Variants in KIF20B observed in about 807,000 individuals in gnomAD.
KIF20B encodes kinesin family member 20B.
A neutral mutation model predicts 232.5 loss-of-function variants in KIF20B; 188 were observed. The observed-to-expected ratio is 0.81, with a 90% CI of 0.72 to 0.91. The LOEUF is 0.91. Ranked by LOEUF, KIF20B falls within the 40% of genes least tolerant of loss-of-function variation. KIF20B has a pLI of 0.00. For synonymous variants in KIF20B, 712 were observed against 683.0 expected (o/e 1.04, Z -0.66); for missense variants, 2,154 against 2,055.9 (o/e 1.05, Z -0.92).
At chr10:89,724,160 T>G (rs1380546430) in intron 14 of KIF20B, 57 bp downstream of exon 14, 1 of 1,116,560 alleles carries the variant, frequency 9.0e-7, no homozygotes, top group Non-Finnish European at 1.2e-6. Context: ...AGTTTTTTAG[T>G]TTTTTTTTTT....
intron 29 of KIF20B, among the ~76,000 whole-genome samples, chr10:89,768,006 G>C (rs182244044): frequency 1.4e-4 from 22 of 152,136 alleles, no homozygotes; most frequent in East Asian, 7.7e-4. Context: ...ATTGTGGGCT[G>C]TATACCTCTT....
At chr10:89,713,978 A>G in intron 6 of KIF20B, 69 bp from the exon 7 acceptor site, 1 of 685,528 alleles carries the variant, frequency 1.5e-6, no homozygotes. Flanking sequence ...TGGATAGGTA[A>G]TTAATATCTT....
intron 18 of KIF20B, among the ~76,000 whole-genome samples, chr10:89,732,665 C>G (rs1459615974): frequency 6.6e-6 from 1 of 152,158 alleles, no homozygotes; most frequent in African/African-American, 2.4e-5. Flanking sequence ...TTTCAAAGCA[C>G]ATTTCTGATG....
rs529061134 is a variant in KIF20B, at chr10:89,765,996, C to T, written c.4990-2294C>T. Among the ~76,000 whole-genome samples the T allele has an allele frequency of 3.9e-5, 6 of 152,096 alleles. No homozygotes were observed. The East Asian group carries it at 5.8e-4, about 15-fold the overall frequency. On this transcript the variant is annotated intron_variant, in intron 29 of 32. Transcript: ENST00000371728. Reference sequence around the variant, plus strand: ...TTATGTGTCTTGGAGTTGCTCTTCTCGAGGAGTATCTTTGTGGCGTTCTCT... The same window carrying T: ...TTATGTGTCTTGGAGTTGCTCTTCTTGAGGAGTATCTTTGTGGCGTTCTCT...
intron 6 of KIF20B, among the ~76,000 whole-genome samples, chr10:89,713,585 G>A (rs1234646793): frequency 6.6e-6 from 1 of 151,876 alleles, no homozygotes; most frequent in Non-Finnish European, 1.5e-5. Flanking sequence ...CAAGGAAATG[G>A]GTTTATTTCT....
intron 18 of KIF20B, among the ~76,000 whole-genome samples, chr10:89,731,187 G>A (rs1843310376): frequency 6.6e-6 from 1 of 152,144 alleles, no homozygotes; most frequent in Non-Finnish European, 1.5e-5. Flanking sequence ...GAAAGTCAGA[G>A]ACAGGTCATT....
intron 26 of KIF20B, among the ~76,000 whole-genome samples, chr10:89,757,070 A>ATATATATATATATATATATG (rs1842144521): frequency 7.9e-6 from 1 of 127,270 alleles, no homozygotes; most frequent in Non-Finnish European, 1.5e-5. Context: ...ATATATATAT[A>ATATATATATATATATATATG]CACACATGAC....
Position 89,717,507 on chromosome 10 carries a change from ATTC to A in KIF20B, c.1124+15_1124+17del, listed in dbSNP as rs763868862. ...ATTCGAGTCAGTGAGTAAGTTGAAT[ATTC>A]TTTAAATTTAATTATTTGTAATTGT... On this transcript the variant is annotated intron_variant, in intron 10 of 32. Transcript: ENST00000371728. The A allele has an allele frequency of 1.2e-5, 19 of 1,585,360 alleles. No individual in the cohort carries two copies. The highest frequency in any genetic ancestry group is 1.5e-5 in the Non-Finnish European group (17 of 1,160,378).
rs531014852 is a variant in KIF20B at position 89,769,611 on chromosome 10, A to G, written c.5242+723A>G. Among the ~76,000 whole-genome samples, 10 of 152,136 alleles carry G rather than the reference A, an allele frequency of 6.6e-5. No individual in the cohort carries two copies. In the South Asian group the frequency reaches 2.1e-3, roughly 31 times the overall value. On this transcript the variant is annotated intron_variant, in intron 31 of 32. Transcript: ENST00000371728. ...TATTGAGTTTAGCTGCAGAAACAGT[A>G]TGCTTAGTGCTTTTTTTCTTGATAA...
At chr10:89,720,958 C>T (rs946648970) in intron 13 of KIF20B, among the ~76,000 whole-genome samples, 21 of 152,162 alleles carry the variant, frequency 1.4e-4, no homozygotes, top group Admixed American at 1.0e-3. Flanking sequence ...TTGCCCGCCT[C>T]GGCCTCCCAA....
Position 89,774,164 on chromosome 10 carries a change from C to A in KIF20B, c.*116C>A, listed in dbSNP as rs1842523247. 2.1e-6 allele frequency: 1 copy of A among 487,674 alleles called. No individual in the cohort carries two copies. The highest frequency in any genetic ancestry group is 3.5e-6 in the Non-Finnish European group (1 of 282,724). 30.2% of individuals were successfully genotyped at this position (487,674 alleles called of 1,614,324 possible). ...ATTAAATCACTCTGCATATAGATTG[C>A]TGTTTTATACATAGTATAATTTTAA... is the stretch of plus-strand genomic sequence containing the variant. On this transcript the variant is annotated 3_prime_UTR_variant, in exon 33 of 33. Coordinates refer to ENST00000371728, the MANE Select transcript of KIF20B (RefSeq NM_001284259.2).
Position 89,758,691 on chromosome 10 carries a change from T to C in KIF20B, c.4504-15T>C. The C allele has an allele frequency of 6.5e-7, 1 of 1,536,372 alleles. No individual in the cohort carries two copies. The highest frequency in any genetic ancestry group is 1.3e-5 in the South Asian group (1 of 78,116). Reference sequence around the variant, plus strand: ...ATCAAGGTTGATTTTAATATTTTCTTTATTTCCTGATTAGGAAATACTGAC... The same window carrying C: ...ATCAAGGTTGATTTTAATATTTTCTCTATTTCCTGATTAGGAAATACTGAC... On this transcript the variant is annotated splice_polypyrimidine_tract_variant and intron_variant, in intron 26 of 32. Transcript: ENST00000371728.
At chr10:89,763,889 T>A (rs965903460) in intron 29 of KIF20B, among the ~76,000 whole-genome samples, 4 of 96,606 alleles carry the variant, frequency 4.1e-5, no homozygotes, top group Admixed American at 1.3e-4. Flanking sequence ...TATATATTTT[T>A]ATTTATTTAT....
In KIF20B at chr10:89,718,870, A is replaced by G; in HGVS notation, c.1432A>G (p.Lys478Glu). ...ATTGAAGTTCTCCGCCATTGCACAA[A>G]AAGTAAATATTTATTTTATTAAGCC... ...NVLKFSAIAQ[K>E]VCVPDTLNSS... The change falls in exon 12 of 33, where the codon AAA becomes GAA. Residue 478 changes from lysine (K) to glutamate (E), a missense_variant and splice_region_variant. Transcript: ENST00000371728. The G allele has an allele frequency of 6.6e-7, 1 of 1,524,452 alleles. No individual in the cohort carries two copies. Among genetic ancestry groups the G allele is most frequent in the Non-Finnish European group, 8.8e-7 (1 of 1,133,458 alleles). 94.4% of individuals were successfully genotyped at this position (1,524,452 alleles called of 1,614,324 possible). A position where few individuals can be genotyped will look rare whatever the true frequency, so the allele number is the denominator to read the frequency against.
At chr10:89,713,986 C>T in intron 6 of KIF20B, 61 bp from the exon 7 acceptor site, 1 of 774,546 alleles carries the variant, frequency 1.3e-6, no homozygotes, top group Non-Finnish European at 2.0e-6. Context: ...TAATTAATAT[C>T]TTGATTATTT....
chr10:89,748,754 C>T (rs964140150), intron 23 of KIF20B, among the ~76,000 whole-genome samples: 2 of 152,190 alleles, frequency 1.3e-5, no homozygotes, highest in Non-Finnish European at 2.9e-5. Flanking sequence ...CTGGAAAAGT[C>T]TACCCTTGGA....
At position 89,716,565 on chromosome 10, in the gene KIF20B, T is replaced by G. The variant is rs766725715; in HGVS notation, c.1052+18T>G. On this transcript the variant is annotated intron_variant, in intron 9 of 32. Coordinates refer to ENST00000371728, the MANE Select transcript of KIF20B (RefSeq NM_001284259.2). ...AGTAGAAGGTAAAGAATAAACTCTGTAAGAGTAAACTCGAATCACCGATAG... is the reference window on the plus strand; with the variant it reads ...AGTAGAAGGTAAAGAATAAACTCTGGAAGAGTAAACTCGAATCACCGATAG... 6 of 1,203,828 alleles carry G rather than the reference T, an allele frequency of 5.0e-6. No homozygotes were observed. The highest frequency in any genetic ancestry group is 7.3e-6 in the Non-Finnish European group (6 of 825,962). The allele number at this position is 1,203,828 out of a possible 1,614,324, so 74.6% of individuals were successfully genotyped here. A position where few individuals can be genotyped will look rare whatever the true frequency, so the allele number is the denominator to read the frequency against.
At chr10:89,704,580 G>A (rs930928548) in intron 1 of KIF20B, among the ~76,000 whole-genome samples, 1 of 149,742 alleles carries the variant, frequency 6.7e-6, no homozygotes, top group African/African-American at 2.5e-5. Context: ...TTTTTTTGAC[G>A]GAATCTCACT....
At chr10:89,744,806 T>A (rs1841877208) in intron 22 of KIF20B, among the ~76,000 whole-genome samples, 1 of 151,664 alleles carries the variant, frequency 6.6e-6, no homozygotes, top group Non-Finnish European at 1.5e-5. Flanking sequence ...CTTAAGGTAA[T>A]CATAATAAAG....
Sources: gnomAD v4.1 joint callset for allele counts (sites outside exome capture counted in the v4.1 genomes callset) on GRCh38, gnomAD v4.1.1 for gene constraint, MANE v1.5 for transcripts, NCBI Gene and HGNC (gene_info 2026-07-23, HGNC 2026-07-21) for gene names.